Variants in BNC2 observed in about 807,000 individuals in gnomAD.
BNC2 encodes the protein zinc finger protein basonuclin-2.
BNC2 carries 20 observed loss-of-function variants against 76.3 expected under a neutral mutation model. The ratio of observed to expected loss-of-function variants is 0.26; its 90% CI spans 0.18 to 0.38. BNC2 has a LOEUF of 0.38. Ranked by LOEUF, BNC2 falls within the 10% of genes least tolerant of loss-of-function variation. The pLI, the probability that BNC2 is intolerant of heterozygous loss-of-function variation, is 1.00. For synonymous variants in BNC2, 582 were observed against 514.8 expected, an observed-to-expected ratio of 1.13 and a Z score of -1.77; for missense variants, 1,382 against 1,399.8, an observed-to-expected ratio of 0.99 and a Z score of 0.20.
intron 5 of BNC2, among the ~76,000 whole-genome samples, chr9:16,521,130 T>C (rs1164118079): frequency 2.0e-5 from 3 of 152,260 alleles, no homozygotes; most frequent in Non-Finnish European, 2.9e-5. Context: ...TTCTTAAAGA[T>C]AAAGAATGGC....
intron 5 of BNC2, among the ~76,000 whole-genome samples, chr9:16,538,419 C>T (rs1334617680): frequency 6.6e-6 from 1 of 152,118 alleles, no homozygotes; most frequent in Non-Finnish European, 1.5e-5. Context: ...CCCAATTACT[C>T]CCCACGTGGC....
intron 3 of BNC2, among the ~76,000 whole-genome samples, chr9:16,649,151 C>G (rs1563879698): frequency 6.6e-6 from 1 of 152,120 alleles, no homozygotes. Flanking sequence ...AGAGAATGAG[C>G]CTGACTAACA....
intron 1 of BNC2, among the ~76,000 whole-genome samples, chr9:16,804,918 C>T (rs866781026): frequency 2.6e-5 from 4 of 151,890 alleles, no homozygotes; most frequent in Non-Finnish European, 4.4e-5. Context: ...AAAAATTAGC[C>T]GGGTGTGGTG....
chr9:16,465,958 A>C (rs948403101), intron 5 of BNC2, among the ~76,000 whole-genome samples: 2 of 141,562 alleles, frequency 1.4e-5, no homozygotes, highest in Non-Finnish European at 3.0e-5. Flanking sequence ...AATCTCCTTA[A>C]GCTGATAAGC....
chr9:16,591,069 CAT>C (rs1480533913), intron 3 of BNC2, among the ~76,000 whole-genome samples: 5 of 152,248 alleles, frequency 3.3e-5, no homozygotes, highest in East Asian at 1.9e-4. Flanking sequence ...AAAAAACTCA[CAT>C]GATAGTAATG....
intron 5 of BNC2, among the ~76,000 whole-genome samples, chr9:16,481,315 C>A (rs535794888): frequency 1.6e-4 from 25 of 152,200 alleles, no homozygotes; most frequent in Non-Finnish European, 3.2e-4. Flanking sequence ...AGTGGCAACC[C>A]GCTCGGGTCC....
chr9:16,431,328 C>A, intron 6 of BNC2: 1 of 322,294 alleles, frequency 3.1e-6, no homozygotes, highest in Non-Finnish European at 7.0e-6. Flanking sequence ...AAATGGGTGA[C>A]CTATGCCACT....
At chr9:16,435,314 G>C (rs748869862) in intron 6 of BNC2, among the ~76,000 whole-genome samples, 11 of 152,108 alleles carry the variant, frequency 7.2e-5, no homozygotes, top group South Asian at 2.1e-4. Flanking sequence ...ACAGAGCACA[G>C]AGAAAAATGG....
intron 6 of BNC2, chr9:16,429,651 TAG>T: frequency 4.0e-6 from 1 of 250,228 alleles, no homozygotes; most frequent in South Asian, 5.0e-5. Context: ...AAGAGTTATA[TAG>T]AAGCATTGTA....
At chr9:16,673,427 AT>A (rs202170296) in intron 3 of BNC2, among the ~76,000 whole-genome samples, 2,766 of 137,600 alleles carry the variant, frequency 0.02, 103 homozygotes, top group African/African-American at 0.086. Flanking sequence ...ACATTCTGAG[AT>A]TTAAAAAAAA....
chr9:16,812,974 C>T (rs1193453379), intron 1 of BNC2, among the ~76,000 whole-genome samples: 1 of 151,966 alleles, frequency 6.6e-6, no homozygotes, highest in Admixed American at 6.6e-5. Flanking sequence ...TTTAGGAGGC[C>T]GAGGTGGGCG....
intron 5 of BNC2, among the ~76,000 whole-genome samples, chr9:16,458,944 G>T (rs780470141): frequency 1.4e-4 from 22 of 152,130 alleles, no homozygotes; most frequent in Non-Finnish European, 2.6e-4. Flanking sequence ...TAGTTTCCTG[G>T]TTTTAATAAG....
chr9:16,758,914 T>TA (rs34815226), intron 1 of BNC2, among the ~76,000 whole-genome samples: 122,857 of 151,692 alleles, frequency 0.81, 51,188 homozygotes, highest in Non-Finnish European at 0.91. Context: ...ATCAACCTTT[T>TA]AAAAATATTG....
At chr9:16,458,953 A>G (rs1424148233) in intron 5 of BNC2, among the ~76,000 whole-genome samples, 1 of 152,202 alleles carries the variant, frequency 6.6e-6, no homozygotes, top group Admixed American at 6.5e-5. Flanking sequence ...GGTTTTAATA[A>G]GAGCACCCCT....
At chr9:16,567,442 CATCT>C (rs1233245743) in intron 4 of BNC2, among the ~76,000 whole-genome samples, 2 of 152,064 alleles carry the variant, frequency 1.3e-5, no homozygotes, top group African/African-American at 2.4e-5. Context: ...TAAAAGAACA[CATCT>C]ATCACATGAA....
chr9:16,737,836 G>C (rs1824724147), intron 2 of BNC2, among the ~76,000 whole-genome samples: 1 of 152,034 alleles, frequency 6.6e-6, no homozygotes, highest in African/African-American at 2.4e-5. Context: ...ATAGTGGCTG[G>C]GCTAAGGGAC....
chr9:16,720,237 T>C (rs1281999984), intron 3 of BNC2, among the ~76,000 whole-genome samples: 1 of 152,226 alleles, frequency 6.6e-6, no homozygotes, highest in Non-Finnish European at 1.5e-5. Context: ...CAAAAGGGTA[T>C]TTATTCAATT....
intron 5 of BNC2, among the ~76,000 whole-genome samples, chr9:16,468,324 C>G (rs1433226947): frequency 1.3e-5 from 2 of 152,090 alleles, no homozygotes; most frequent in African/African-American, 4.8e-5. Flanking sequence ...ATAACAATAG[C>G]TAATATGTTT....
Position 16,418,870 on chromosome 9 carries a change from A to AATGC in BNC2, c.*115_*118dup, listed in dbSNP as rs1002849557. 30 of 601,796 alleles carry AATGC rather than the reference A, an allele frequency of 5.0e-5. No homozygotes were observed. Among genetic ancestry groups the AATGC allele is most frequent in the Non-Finnish European group, 6.6e-5 (27 of 411,514 alleles). The allele number at this position is 601,796 out of a possible 1,614,324, so 37.3% of individuals were successfully genotyped here. A position where few individuals can be genotyped will look rare whatever the true frequency, so the allele number is the denominator to read the frequency against. On this transcript the variant is annotated 3_prime_UTR_variant, in exon 7 of 7. Transcript: ENST00000380672. ...TATATGTAGCCACAGAGCATACATA[A>AATGC]ATGCACACACACACACACACACACA...
Sources: allele counts gnomAD v4.1 joint callset (sites outside exome capture counted in the v4.1 genomes callset), GRCh38; gene constraint gnomAD v4.1.1; transcripts MANE v1.5; gene names NCBI Gene and HGNC (gene_info 2026-07-23, HGNC 2026-07-21).